CNTN5: variants seen among roughly 807,000 people sequenced by gnomAD.
CNTN5 encodes the protein contactin 5.
CNTN5 carries 77 observed loss-of-function variants against 129.1 expected under a neutral mutation model. The observed-to-expected ratio is 0.60, with a 90% CI of 0.50 to 0.72. The LOEUF (loss-of-function observed/expected upper bound fraction) is 0.72, where lower values mean the gene tolerates loss of function less well. Among genes scored for constraint, CNTN5 ranks in the 30% least tolerant of loss-of-function variants. The pLI is 0.00. For missense variants in CNTN5, 1,478 were observed against 1,328.8 expected (o/e 1.11, Z -1.75); for synonymous variants, 509 against 465.6 (o/e 1.09, Z -1.20).
intron 2 of CNTN5, among the ~76,000 whole-genome samples, chr11:99,396,154 T>C (rs1005036819): frequency 4.7e-5 from 7 of 148,152 alleles, no homozygotes; most frequent in African/African-American, 1.5e-4. Context: ...TTTAATGATA[T>C]TGACTCTTTC....
intron 2 of CNTN5, among the ~76,000 whole-genome samples, chr11:99,351,556 A>ATAATATATAT (rs1938300084): frequency 6.6e-6 from 1 of 152,220 alleles, no homozygotes; most frequent in Non-Finnish European, 1.5e-5. Flanking sequence ...TATATAAAAT[A>ATAATATATAT]CCTAAGCATT....
chr11:99,742,160 A>G (rs993495348), intron 3 of CNTN5, among the ~76,000 whole-genome samples: 3 of 152,152 alleles, frequency 2.0e-5, no homozygotes, highest in African/African-American at 7.2e-5. Flanking sequence ...AGTAGGAGGA[A>G]GTGTAAAGAC....
chr11:99,334,150 A>G (rs111320312), intron 2 of CNTN5, among the ~76,000 whole-genome samples: 3 of 360 alleles, frequency 8.3e-3, no homozygotes, highest in African/African-American at 0.03. Context: ...TCAGACTCTC[A>G]CTCACAAATA....
At chr11:99,079,465 C>T (rs760390517) in intron 1 of CNTN5, among the ~76,000 whole-genome samples, 12 of 152,064 alleles carry the variant, frequency 7.9e-5, no homozygotes, top group East Asian at 1.9e-4. Flanking sequence ...CATCAGTAAG[C>T]GCTGTCAAAT....
intron 16 of CNTN5, among the ~76,000 whole-genome samples, chr11:100,237,087 G>T (rs1440296464): frequency 6.6e-6 from 1 of 151,492 alleles, no homozygotes; most frequent in Non-Finnish European, 1.5e-5. Flanking sequence ...TACTGGGGAG[G>T]CTGAGGCAGG....
chr11:99,586,577 A>T (rs72997206), intron 3 of CNTN5, among the ~76,000 whole-genome samples: 9,850 of 152,234 alleles, frequency 0.065, 377 homozygotes, highest in Non-Finnish European at 0.077. Flanking sequence ...TTAGTACAAT[A>T]CCTGAAACAT....
At chr11:100,058,894 A>AGAG (rs1943350643) in intron 9 of CNTN5, among the ~76,000 whole-genome samples, 1 of 152,186 alleles carries the variant, frequency 6.6e-6, no homozygotes, top group Admixed American at 6.5e-5. Flanking sequence ...ACTTTGCTGA[A>AGAG]GAGGAGGCAT....
chr11:99,716,981 TTTTC>T (rs1469208500), intron 3 of CNTN5, among the ~76,000 whole-genome samples: 4 of 152,106 alleles, frequency 2.6e-5, no homozygotes, highest in Non-Finnish European at 5.9e-5. Flanking sequence ...TATGCTTTCA[TTTTC>T]TTTCTTTCTT....
intron 2 of CNTN5, among the ~76,000 whole-genome samples, chr11:99,444,244 A>G (rs756761473): frequency 5.9e-5 from 9 of 152,114 alleles, no homozygotes; most frequent in African/African-American, 2.2e-4. Context: ...GAAAGAAAAT[A>G]TATCATTTGT....
chr11:99,684,926 T>A (rs1325028683), intron 3 of CNTN5, among the ~76,000 whole-genome samples: 1 of 151,690 alleles, frequency 6.6e-6, no homozygotes, highest in Non-Finnish European at 1.5e-5. Flanking sequence ...CTCTTTTCTA[T>A]GTAATTGATT....
chr11:99,897,805 T>G (rs1260939986), intron 6 of CNTN5, among the ~76,000 whole-genome samples: 1 of 152,158 alleles, frequency 6.6e-6, no homozygotes, highest in Non-Finnish European at 1.5e-5. Flanking sequence ...AATATTAATC[T>G]TGAATCTAAA....
At chr11:99,975,938 C>G (rs1167989586) in intron 8 of CNTN5, among the ~76,000 whole-genome samples, 1 of 152,178 alleles carries the variant, frequency 6.6e-6, no homozygotes, top group Non-Finnish European at 1.5e-5. Flanking sequence ...AAAGTCTCAT[C>G]TGAGACAAGG....
At chr11:100,228,775 G>A (rs1322392796) in intron 16 of CNTN5, among the ~76,000 whole-genome samples, 2 of 152,308 alleles carry the variant, frequency 1.3e-5, no homozygotes, top group South Asian at 4.1e-4. Flanking sequence ...GTCCTCCAGT[G>A]TGAGATGCCT....
At chr11:99,282,188 C>A (rs1363970022) in intron 1 of CNTN5, among the ~76,000 whole-genome samples, 2 of 151,912 alleles carry the variant, frequency 1.3e-5, no homozygotes, top group Non-Finnish European at 1.5e-5. Context: ...GAGATTGTCT[C>A]GCCTTAAGTG....
intron 3 of CNTN5, among the ~76,000 whole-genome samples, chr11:99,796,453 TG>T (rs1473739416): frequency 2.0e-5 from 3 of 151,676 alleles, no homozygotes; most frequent in East Asian, 1.9e-4. Context: ...AAGGATATGG[TG>T]GGGGGTAAGT....
At chr11:99,557,750 G>A (rs926108762) in intron 3 of CNTN5, among the ~76,000 whole-genome samples, 1 of 149,576 alleles carries the variant, frequency 6.7e-6, no homozygotes, top group Non-Finnish European at 1.5e-5. Flanking sequence ...CAACTTATCA[G>A]ATTATGCTCC....
At chr11:99,881,382 T>C (rs150592498) in intron 6 of CNTN5, among the ~76,000 whole-genome samples, 133 of 152,354 alleles carry the variant, frequency 8.7e-4, no homozygotes, top group Middle Eastern at 3.4e-3. Flanking sequence ...ATGTTTTTAG[T>C]TCCTTATGAA....
At chr11:99,407,489 T>A (rs1489761487) in intron 2 of CNTN5, among the ~76,000 whole-genome samples, 1 of 152,158 alleles carries the variant, frequency 6.6e-6, no homozygotes, top group Admixed American at 6.5e-5. Context: ...AAGGGGTCTC[T>A]TTCGGAGCCG....
At chr11:100,335,051 A>G (rs1330607914) in intron 21 of CNTN5, among the ~76,000 whole-genome samples, 2 of 151,314 alleles carry the variant, frequency 1.3e-5, no homozygotes, top group Non-Finnish European at 2.9e-5. Flanking sequence ...CAAATGTACT[A>G]TTCTGGTGAA....
Sources: allele counts gnomAD v4.1 joint callset (sites outside exome capture counted in the v4.1 genomes callset), GRCh38; gene constraint gnomAD v4.1.1; transcripts MANE v1.5; gene names NCBI Gene and HGNC (gene_info 2026-07-23, HGNC 2026-07-21).